TLK1: variants seen among roughly 807,000 people sequenced by gnomAD.
The protein encoded by TLK1 is tousled like kinase 1, also known as serine/threonine-protein kinase tousled-like 1.
A neutral mutation model predicts 105.3 loss-of-function variants in TLK1; 24 were observed. The observed-to-expected ratio is 0.23, with a 90% CI of 0.17 to 0.32. TLK1 has a LOEUF of 0.32. Among genes scored for constraint, TLK1 ranks in the 10% least tolerant of loss-of-function variants. The pLI is 1.00. For synonymous variants in TLK1, 321 were observed against 310.4 expected, an observed-to-expected ratio of 1.03 and a Z score of -0.36; for missense variants, 558 against 910.5, an observed-to-expected ratio of 0.61 and a Z score of 4.98.
chr2:171,085,548 A>C (rs1479240769), intron 2 of TLK1, among the ~76,000 whole-genome samples: 1 of 152,226 alleles, frequency 6.6e-6, no homozygotes, highest in East Asian at 1.9e-4. Context: ...CATCAAAGGC[A>C]AACACTTTAT....
rs1683808814 is a variant in TLK1, at chr2:170,992,060, G to C, written c.*1720C>G. 2 of 152,082 alleles carry C rather than the reference G, an allele frequency of 1.3e-5. No individual in the cohort carries two copies. Among genetic ancestry groups the C allele is most frequent in the Admixed American group, 6.6e-5 (1 of 15,262 alleles). 9.4% of individuals were successfully genotyped at this position (152,082 alleles called of 1,614,324 possible). ...GCTTGAAACAATTTACACTTGTCTT[G>C]AAGTATACTTAAGGAATTTATTCAG... On this transcript the variant is annotated 3_prime_UTR_variant, in exon 21 of 21. Coordinates refer to ENST00000431350, the MANE Select transcript of TLK1 (RefSeq NM_012290.5).
intron 2 of TLK1, among the ~76,000 whole-genome samples, chr2:171,112,902 G>T (rs1409243801): frequency 6.6e-6 from 1 of 151,974 alleles, no homozygotes; most frequent in South Asian, 2.1e-4. Flanking sequence ...TACTTAAATA[G>T]GATAACCTAA....
At chr2:171,052,024 C>A (rs1243521294) in intron 8 of TLK1, among the ~76,000 whole-genome samples, 2 of 152,078 alleles carry the variant, frequency 1.3e-5, no homozygotes, top group African/African-American at 4.8e-5. Flanking sequence ...AGCCCCAGCA[C>A]TTTGGGAGAC....
intron 10 of TLK1, among the ~76,000 whole-genome samples, chr2:171,049,014 G>A (rs1687100560): frequency 1.3e-5 from 2 of 152,162 alleles, no homozygotes; most frequent in Admixed American, 6.5e-5. Context: ...TTAAAAGTTT[G>A]ATCTGAAAAG....
At chr2:171,217,912 G>A (rs1015912302) in intron 1 of TLK1, among the ~76,000 whole-genome samples, 5 of 152,178 alleles carry the variant, frequency 3.3e-5, no homozygotes, top group Non-Finnish European at 5.9e-5. Context: ...TACCGTATTA[G>A]TTTCCTATGG....
chr2:171,158,563 T>G (rs1052448228), intron 1 of TLK1, among the ~76,000 whole-genome samples: 1 of 152,168 alleles, frequency 6.6e-6, no homozygotes, highest in Non-Finnish European at 1.5e-5. Flanking sequence ...ACGGCCTGGC[T>G]CACAGTAATG....
chr2:171,013,069 C>T (rs1025066106), intron 13 of TLK1, among the ~76,000 whole-genome samples: 9 of 150,500 alleles, frequency 6.0e-5, no homozygotes, highest in African/African-American at 1.2e-4. Context: ...TGCTCTGTTG[C>T]CCAGGCTGGA....
intron 16 of TLK1, 62 bp downstream of exon 16, chr2:171,006,738 G>A: frequency 6.9e-6 from 11 of 1,588,730 alleles, no homozygotes; most frequent in Non-Finnish European, 9.5e-6. Context: ...CATCAACACA[G>A]GATGGGGAAA....
intron 2 of TLK1, among the ~76,000 whole-genome samples, chr2:171,092,380 TG>T (rs1689275001): frequency 1.3e-5 from 2 of 152,226 alleles, no homozygotes; most frequent in Non-Finnish European, 2.9e-5. Flanking sequence ...TAGGCAAAAC[TG>T]TAAGACAGAC....
At chr2:171,184,867 C>T (rs1239646974) in intron 1 of TLK1, among the ~76,000 whole-genome samples, 7 of 150,530 alleles carry the variant, frequency 4.7e-5, no homozygotes, top group African/African-American at 1.7e-4. Context: ...GAGATGGAGT[C>T]TTGCTCTGTC....
intron 18 of TLK1, 67 bp from the exon 19 acceptor site, chr2:170,997,890 T>G (rs767158546): frequency 6.5e-5 from 64 of 981,822 alleles, no homozygotes; most frequent in Non-Finnish European, 9.6e-5. Context: ...CTTCTAAGTG[T>G]AAAATCTTAG....
intron 18 of TLK1, among the ~76,000 whole-genome samples, chr2:170,999,232 A>T (rs541410469): frequency 6.6e-5 from 10 of 152,278 alleles, no homozygotes; most frequent in African/African-American, 1.4e-4. Context: ...TATTTTTTTT[A>T]AAAAATGCAG....
intron 1 of TLK1, among the ~76,000 whole-genome samples, chr2:171,194,583 C>T (rs965589290): frequency 2.0e-5 from 3 of 151,532 alleles, no homozygotes; most frequent in African/African-American, 7.3e-5. Flanking sequence ...TTTGGGAGGC[C>T]GAGGCGGGCG....
intron 10 of TLK1, among the ~76,000 whole-genome samples, chr2:171,049,378 G>A (rs1486544605): frequency 1.3e-5 from 2 of 152,146 alleles, no homozygotes; most frequent in Non-Finnish European, 2.9e-5. Flanking sequence ...TTATATCTGA[G>A]GCAAAAGAGA....
At chr2:171,086,964 A>G (rs553762102) in intron 2 of TLK1, among the ~76,000 whole-genome samples, 2 of 152,300 alleles carry the variant, frequency 1.3e-5, no homozygotes, top group Non-Finnish European at 2.9e-5. Flanking sequence ...AGCAGCCTAG[A>G]TAAGACTAAA....
At chr2:171,140,263 G>A (rs914917235) in intron 1 of TLK1, among the ~76,000 whole-genome samples, 2 of 152,194 alleles carry the variant, frequency 1.3e-5, no homozygotes, top group Admixed American at 1.3e-4. Flanking sequence ...TTCCAGTAAT[G>A]GTGATCAGGT....
At chr2:171,015,132 CTAT>C (rs1458292691) in intron 12 of TLK1, among the ~76,000 whole-genome samples, 184 bp from the exon 13 acceptor site, 1 of 151,958 alleles carries the variant, frequency 6.6e-6, no homozygotes, top group African/African-American at 2.4e-5. Flanking sequence ...AGGCAAAAAC[CTAT>C]TTGAAGAAAC....
intron 11 of TLK1, among the ~76,000 whole-genome samples, chr2:171,038,167 A>G (rs1177333879): frequency 1.3e-5 from 2 of 152,224 alleles, no homozygotes; most frequent in African/African-American, 2.4e-5. Flanking sequence ...TTAAATATCT[A>G]GACACAGTAG....
At chr2:171,130,670 T>C (rs1691066450) in intron 1 of TLK1, among the ~76,000 whole-genome samples, 1 of 152,182 alleles carries the variant, frequency 6.6e-6, no homozygotes, top group African/African-American at 2.4e-5. Flanking sequence ...TCTACTCACC[T>C]AGCCTAAACC....
Sources: gnomAD v4.1 joint callset for allele counts (sites outside exome capture counted in the v4.1 genomes callset) on GRCh38, gnomAD v4.1.1 for gene constraint, MANE v1.5 for transcripts, NCBI Gene and HGNC (gene_info 2026-07-23, HGNC 2026-07-21) for gene names.